SPOCK3: variants seen among roughly 807,000 people sequenced by gnomAD.
SPOCK3 encodes SPARC (osteonectin), cwcv and kazal like domains proteoglycan 3.
Under a neutral mutation model 56.6 loss-of-function variants are expected in SPOCK3, and 30 were observed. The observed-to-expected ratio is 0.53, with a 90% CI of 0.40 to 0.72. SPOCK3 has a LOEUF of 0.72. Ranked by LOEUF, SPOCK3 falls within the 30% of genes least tolerant of loss-of-function variation. The probability of loss-of-function intolerance (pLI) is 0.00; values close to 1 mark genes in which losing one functional copy is unlikely to be tolerated. For synonymous variants in SPOCK3, 196 were observed against 183.3 expected (o/e 1.07, Z -0.56); for missense variants, 527 against 530.0 (o/e 0.99, Z 0.06).
At position 166,790,264 on chromosome 4, in the gene SPOCK3, A is replaced by G. The variant is rs569838420; in HGVS notation, c.709+1906T>C. ...TTAAATAAACAAGTAGATTATCACT[A>G]TATTAGATCTGATAAATGCTCTGAA... is the stretch of plus-strand genomic sequence containing the variant. On this transcript the variant is annotated intron_variant, in intron 7 of 10. Coordinates refer to ENST00000357545, the MANE Select transcript of SPOCK3 (RefSeq NM_001040159.2). 1.1e-3 allele frequency among the ~76,000 whole-genome samples: 166 copies of G among 152,306 alleles called. 1 individual carries two copies. The highest frequency in any genetic ancestry group is 3.8e-3 in the African/African-American group (160 of 41,582).
intron 2 of SPOCK3, among the ~76,000 whole-genome samples, chr4:167,213,930 C>T (rs1735120528): frequency 6.6e-6 from 1 of 152,098 alleles, no homozygotes; most frequent in Admixed American, 6.6e-5. Context: ...TGTCACAAGA[C>T]TGCTTGATTT....
chr4:166,934,333 C>CAAAAA (rs34556103), intron 4 of SPOCK3, among the ~76,000 whole-genome samples: 6 of 140,298 alleles, frequency 4.3e-5, no homozygotes, highest in African/African-American at 1.6e-4. Context: ...ACTAAAAATA[C>CAAAAA]AAAAAAAAAA....
intron 2 of SPOCK3, among the ~76,000 whole-genome samples, chr4:167,132,727 T>G (rs1762797685): frequency 6.6e-6 from 1 of 152,134 alleles, no homozygotes; most frequent in African/African-American, 2.4e-5. Flanking sequence ...TAGCTTCGGA[T>G]AGCTGCCCGT....
At chr4:166,824,582 G>A (rs1745266527) in intron 6 of SPOCK3, among the ~76,000 whole-genome samples, 1 of 152,058 alleles carries the variant, frequency 6.6e-6, no homozygotes, top group South Asian at 2.1e-4. Context: ...CACAAAAAAT[G>A]AAATAAAGAC....
intron 2 of SPOCK3, among the ~76,000 whole-genome samples, chr4:167,074,445 G>C (rs1024281684): frequency 8.2e-4 from 124 of 152,020 alleles, no homozygotes; most frequent in African/African-American, 2.8e-3. Flanking sequence ...TCCTTGCTAA[G>C]TTTTGAACTG....
chr4:167,068,043 C>A (rs1482880516), intron 2 of SPOCK3, among the ~76,000 whole-genome samples: 4 of 151,170 alleles, frequency 2.6e-5, no homozygotes, highest in South Asian at 2.1e-4. Context: ...ACAATTGGCT[C>A]CAATTTCAAT....
intron 2 of SPOCK3, among the ~76,000 whole-genome samples, chr4:167,106,635 AAAT>A (rs1760177164): frequency 6.6e-6 from 1 of 151,728 alleles, no homozygotes; most frequent in Admixed American, 6.6e-5. Context: ...TAGAAGAAAA[AAAT>A]AATAAAGATT....
At chr4:166,867,996 T>C (rs1260679210) in intron 6 of SPOCK3, among the ~76,000 whole-genome samples, 2 of 152,012 alleles carry the variant, frequency 1.3e-5, no homozygotes, top group Non-Finnish European at 2.9e-5. Flanking sequence ...TAAATGGCAT[T>C]ATTTTAAAAA....
At chr4:166,811,999 G>A (rs1743861897) in intron 6 of SPOCK3, among the ~76,000 whole-genome samples, 1 of 151,770 alleles carries the variant, frequency 6.6e-6, no homozygotes, top group Non-Finnish European at 1.5e-5. Context: ...AAAGATCTGT[G>A]TTTTGCTCAT....
intron 7 of SPOCK3, among the ~76,000 whole-genome samples, chr4:166,775,297 T>C (rs757521136): frequency 3.9e-5 from 6 of 152,158 alleles, no homozygotes; most frequent in Non-Finnish European, 7.3e-5. Flanking sequence ...AGTAAAAACT[T>C]GCCTTTTACC....
At position 166,994,177 on chromosome 4, in the gene SPOCK3, T is replaced by C. The variant is rs1748109950; in HGVS notation, c.350+6172A>G. 2.6e-5 allele frequency among the ~76,000 whole-genome samples: 4 copies of C among 152,170 alleles called. No homozygotes were observed. The South Asian group carries it at 8.3e-4, about 32-fold the overall frequency. On this transcript the variant is annotated intron_variant, in intron 4 of 10. Coordinates refer to ENST00000357545, the MANE Select transcript of SPOCK3 (RefSeq NM_001040159.2). ...CAGCCAGAACCAACACCCATGATCA[T>C]AAAATATACAACGTGTTTAGGAAAA...
chr4:167,148,294 T>G (rs966526060), intron 2 of SPOCK3, among the ~76,000 whole-genome samples: 1 of 152,198 alleles, frequency 6.6e-6, no homozygotes. Context: ...GAGCCTCTAC[T>G]TCACAACAAA....
chr4:166,764,918 A>C (rs1439104590), intron 7 of SPOCK3, among the ~76,000 whole-genome samples: 1 of 151,696 alleles, frequency 6.6e-6, no homozygotes, highest in African/African-American at 2.4e-5. Context: ...TGTGGTTTTG[A>C]TTTGCATTTC....
intron 2 of SPOCK3, among the ~76,000 whole-genome samples, chr4:167,146,401 A>G (rs1198697709): frequency 6.6e-6 from 1 of 152,092 alleles, no homozygotes; most frequent in Non-Finnish European, 1.5e-5. Context: ...AGACAGATCA[A>G]CGAGACAGAA....
At chr4:166,832,154 G>C (rs978996761) in intron 6 of SPOCK3, among the ~76,000 whole-genome samples, 1 of 151,796 alleles carries the variant, frequency 6.6e-6, no homozygotes, top group Admixed American at 6.6e-5. Flanking sequence ...CATCAATTAC[G>C]TCCCAAGGCC....
chr4:166,953,411 C>T (rs917270338), intron 4 of SPOCK3, among the ~76,000 whole-genome samples: 37 of 151,290 alleles, frequency 2.4e-4, no homozygotes, highest in Middle Eastern at 3.4e-3. Context: ...GTTAGAATGG[C>T]GATCATTAAA....
At chr4:167,168,730 A>T (rs1395307474) in intron 2 of SPOCK3, among the ~76,000 whole-genome samples, 1 of 152,188 alleles carries the variant, frequency 6.6e-6, no homozygotes, top group African/African-American at 2.4e-5. Flanking sequence ...TTGCGTAAGT[A>T]ACAAGGAGCC....
chr4:167,088,655 G>A (rs1479151439), intron 2 of SPOCK3, among the ~76,000 whole-genome samples: 1 of 151,490 alleles, frequency 6.6e-6, no homozygotes, highest in Non-Finnish European at 1.5e-5. Context: ...AGTAGAGATG[G>A]GATTTCACCT....
At chr4:167,107,018 C>T (rs1185835189) in intron 2 of SPOCK3, among the ~76,000 whole-genome samples, 1 of 151,738 alleles carries the variant, frequency 6.6e-6, no homozygotes, top group African/African-American at 2.4e-5. Flanking sequence ...AATAAAAAGT[C>T]CTCAATAAAA....
Sources: allele counts gnomAD v4.1 joint callset (sites outside exome capture counted in the v4.1 genomes callset), GRCh38; gene constraint gnomAD v4.1.1; transcripts MANE v1.5; gene names NCBI Gene and HGNC (gene_info 2026-07-23, HGNC 2026-07-21).